The following HSPA12A variants were observed in gnomAD, a reference collection of about 807,000 sequenced individuals.
HSPA12A encodes heat shock 70 kDa protein 12A.
In HSPA12A, 28 loss-of-function variants were observed where a neutral mutation model predicts 69.2. That is an observed-to-expected ratio of 0.40 (90% CI 0.30 to 0.55). HSPA12A has a LOEUF of 0.55. Among genes scored for constraint, HSPA12A ranks in the 20% least tolerant of loss-of-function variants. The pLI is 0.38. For synonymous variants in HSPA12A, 345 were observed against 370.5 expected (o/e 0.93, Z 0.79); for missense variants, 686 against 900.7 (o/e 0.76, Z 3.05).
intron 7 of HSPA12A, among the ~76,000 whole-genome samples, chr10:116,682,461 G>C (rs74158819): frequency 7.3e-5 from 11 of 151,552 alleles, no homozygotes; most frequent in East Asian, 3.9e-4. Flanking sequence ...AGACTGGGGG[G>C]GGGGGCCATT....
intron 1 of HSPA12A, among the ~76,000 whole-genome samples, chr10:116,716,104 C>T (rs1309640710): frequency 6.6e-6 from 1 of 151,680 alleles, no homozygotes; most frequent in Non-Finnish European, 1.5e-5. Flanking sequence ...CAGCTGACAG[C>T]TCCTAGACTT....
chr10:116,827,898 C>G (rs1845540139), intron 2 of HSPA12A, among the ~76,000 whole-genome samples: 1 of 152,198 alleles, frequency 6.6e-6, no homozygotes, highest in African/African-American at 2.4e-5. Flanking sequence ...GCTGTCCGCC[C>G]AACCCTTCTC....
intron 2 of HSPA12A, among the ~76,000 whole-genome samples, chr10:116,754,345 A>C (rs1843781869): frequency 6.6e-6 from 1 of 152,252 alleles, no homozygotes; most frequent in African/African-American, 2.4e-5. Flanking sequence ...TATGTATTTC[A>C]TCCCCCAAAA....
chr10:116,815,248 CAAAAAAAAAAAAA>C (rs61008848), intron 2 of HSPA12A, among the ~76,000 whole-genome samples: 6 of 102,130 alleles, frequency 5.9e-5, no homozygotes, highest in Admixed American at 2.3e-4. Context: ...ATCCAAAAGA[CAAAAAAAAAAAAA>C]AAAAAAAAAA....
At chr10:116,755,145 G>C (rs1472303348) in intron 2 of HSPA12A, among the ~76,000 whole-genome samples, 1 of 151,954 alleles carries the variant, frequency 6.6e-6, no homozygotes, top group Non-Finnish European at 1.5e-5. Context: ...ATAGAGATGA[G>C]GTTTCACCAT....
intron 2 of HSPA12A, among the ~76,000 whole-genome samples, chr10:116,768,975 C>T (rs1296818465): frequency 6.6e-6 from 1 of 152,200 alleles, no homozygotes; most frequent in Non-Finnish European, 1.5e-5. Flanking sequence ...CACACTCTCT[C>T]ATCCACACTG....
chr10:116,736,231 C>A (rs1851311480), intron 1 of HSPA12A, among the ~76,000 whole-genome samples: 1 of 152,078 alleles, frequency 6.6e-6, no homozygotes, highest in Admixed American at 6.5e-5. Flanking sequence ...CTCTAAGGAC[C>A]CTACTGAGAT....
intron 1 of HSPA12A, among the ~76,000 whole-genome samples, chr10:116,721,019 C>T (rs566192934): frequency 1.3e-5 from 2 of 152,314 alleles, no homozygotes; most frequent in South Asian, 4.1e-4. Flanking sequence ...AGAGAGGAGA[C>T]AAAGTCCTTC....
rs140085256 is a variant in HSPA12A at position 116,692,779 on chromosome 10, A to G, written c.547-312T>C. Among the ~76,000 whole-genome samples the G allele has an allele frequency of 1.5e-3, 222 of 152,302 alleles. 1 individual carries two copies. The highest frequency in any genetic ancestry group is 5.3e-3 in the African/African-American group (220 of 41,568). On this transcript the variant is annotated intron_variant, in intron 5 of 11. Coordinates refer to ENST00000369209, the MANE Select transcript of HSPA12A (RefSeq NM_025015.3). ...CAACCTCTTAGGCCTCAGTTTCCAT[A>G]TCTGTGCAGTGGGGATTATAATGCC... is the stretch of plus-strand genomic sequence containing the variant.
At chr10:116,826,339 C>T (rs1845504419) in intron 2 of HSPA12A, among the ~76,000 whole-genome samples, 1 of 152,204 alleles carries the variant, frequency 6.6e-6, no homozygotes, top group Admixed American at 6.5e-5. Context: ...GGCTTTCACT[C>T]ACCAGAACTT....
intron 1 of HSPA12A, among the ~76,000 whole-genome samples, chr10:116,835,833 T>A (rs561593041): frequency 6.6e-6 from 1 of 152,236 alleles, no homozygotes; most frequent in African/African-American, 2.4e-5. Context: ...GCTTTACTCA[T>A]CCCTGAATTA....
intron 1 of HSPA12A, among the ~76,000 whole-genome samples, chr10:116,718,133 G>A (rs181087363): frequency 6.6e-6 from 1 of 152,326 alleles, no homozygotes; most frequent in Admixed American, 6.5e-5. Context: ...TGGAAGCCCT[G>A]GGTTTAGACT....
Position 116,723,755 on chromosome 10 carries a change from G to A in HSPA12A, c.41-16470C>T, listed in dbSNP as rs1850858800. Among the ~76,000 whole-genome samples, 1 of 152,210 alleles carries A rather than the reference G, an allele frequency of 6.6e-6. No homozygotes were observed. The highest frequency in any genetic ancestry group is 2.1e-4 in the South Asian group (1 of 4,828). ...GACCACTAAGCCTCAGGTGGGACCA[G>A]CAGCCCTGCTCCTGCAGTCAGCCTC... On this transcript the variant is annotated intron_variant, in intron 1 of 11. Coordinates refer to ENST00000369209, the MANE Select transcript of HSPA12A (RefSeq NM_025015.3). The surrounding 1 kb of genome is among the most constrained non-coding windows in gnomAD (Gnocchi z 4.1).
intron 2 of HSPA12A, among the ~76,000 whole-genome samples, chr10:116,706,297 C>T (rs542597770): frequency 3.7e-4 from 57 of 152,052 alleles, no homozygotes; most frequent in Admixed American, 2.0e-3. Flanking sequence ...GAATGCCACC[C>T]GCCTGGCCTC....
At chr10:116,850,374 G>A (rs1846042529), upstream of HSPA12A, 1 of 153,918 alleles carries the variant, frequency 6.5e-6, no homozygotes, top group Non-Finnish European at 1.4e-5. Context: ...GGCAGCCTGT[G>A]AGCCCCTGCT....
chr10:116,710,528 GT>G lies in HSPA12A; in HGVS notation c.41-3244del, dbSNP rs1850389653. On this transcript the variant is annotated intron_variant, in intron 1 of 11. Transcript: ENST00000369209. The surrounding 1 kb of genome is among the most constrained non-coding windows in gnomAD (Gnocchi z 4.1). ...GAGGGCAAGAAGCAAGGATTTTTTGGTTCTGCTGTACCTCCCTTCAACCCCA... is the reference window on the plus strand; with the variant it reads ...GAGGGCAAGAAGCAAGGATTTTTTGGTCTGCTGTACCTCCCTTCAACCCCA... 6.6e-6 allele frequency among the ~76,000 whole-genome samples: 1 copy of G among 152,086 alleles called. No homozygotes were observed. The highest frequency in any genetic ancestry group is 2.4e-5 in the African/African-American group (1 of 41,426).
chr10:116,794,497 C>T (rs541655172), intron 2 of HSPA12A, among the ~76,000 whole-genome samples: 52 of 152,134 alleles, frequency 3.4e-4, no homozygotes, highest in Non-Finnish European at 6.6e-4. Flanking sequence ...ACAATTCATA[C>T]ATCAGAACGC....
At position 116,681,840 on chromosome 10, in the gene HSPA12A, G is replaced by T. The variant is rs1275638957; in HGVS notation, c.873C>A (p.Thr291=). ...CTCCTATGACATTCTCCACCAAAAA[G>T]GTCCGACTCTGCCGATTACGCCGTA... ...EHIRRNRQSR[T]FLVENVIGEI... The change falls in exon 8 of 12, where the codon ACC becomes ACA. Residue 291 remains threonine (T), a synonymous_variant. Transcript: ENST00000369209. 5.6e-6 allele frequency: 9 copies of T among 1,614,048 alleles called. No individual in the cohort carries two copies. The highest frequency in any genetic ancestry group is 1.7e-5 in the Admixed American group (1 of 60,002).
At chr10:116,695,751 G>A (rs1849875257) in intron 5 of HSPA12A, among the ~76,000 whole-genome samples, 1 of 151,944 alleles carries the variant, frequency 6.6e-6, no homozygotes, top group Non-Finnish European at 1.5e-5. Context: ...GGGAGGCAGA[G>A]CTTGCAGTGA....
Sources: allele counts gnomAD v4.1 joint callset (sites outside exome capture counted in the v4.1 genomes callset), GRCh38; gene constraint gnomAD v4.1.1; non-coding constraint Gnocchi (gnomAD v3.1); transcripts MANE v1.5; gene names NCBI Gene and HGNC (gene_info 2026-07-23, HGNC 2026-07-21).